The following NOMO2 variants were observed in gnomAD, a reference collection of about 807,000 sequenced individuals.
NOMO2 encodes BOS complex subunit NOMO2.
NOMO2 carries 14 observed loss-of-function variants against 67.1 expected under a neutral mutation model. The ratio of observed to expected loss-of-function variants is 0.21; its 90% CI spans 0.14 to 0.33. The LOEUF (loss-of-function observed/expected upper bound fraction) is 0.33, where lower values mean the gene tolerates loss of function less well. Among genes scored for constraint, NOMO2 ranks in the 10% least tolerant of loss-of-function variants. The pLI is 1.00. For missense variants in NOMO2, 178 were observed against 761.0 expected, an observed-to-expected ratio of 0.23 and a Z score of 9.01; for synonymous variants, 80 against 305.9, an observed-to-expected ratio of 0.26 and a Z score of 7.71.
chr16:18,541,378 T>G (rs1283936513), intron 9 of NOMO2, among the ~76,000 whole-genome samples: 1 of 95,884 alleles, frequency 1.0e-5, no homozygotes, highest in African/African-American at 2.7e-5. Context: ...AATGTCACCT[T>G]CACAGGGAGG....
At chr16:18,528,273 A>G (rs1435970782) in intron 15 of NOMO2, among the ~76,000 whole-genome samples, 1 of 151,808 alleles carries the variant, frequency 6.6e-6, no homozygotes, top group African/African-American at 2.4e-5. Flanking sequence ...AAAAAAAAAA[A>G]AAAAAAGGAT....
chr16:18,557,875 A>G lies in NOMO2; in HGVS notation c.166-84T>C. ...ATGTTACACCTGAATGCACTCAGTCAGTATACATTCACTGAGGACCTACTA... is the reference window on the plus strand; with the variant it reads ...ATGTTACACCTGAATGCACTCAGTCGGTATACATTCACTGAGGACCTACTA... On this transcript the variant is annotated intron_variant, in intron 1 of 30. Transcript: ENST00000622306. The G allele has an allele frequency of 1.9e-6, 3 of 1,592,186 alleles. No homozygotes were observed. The East Asian group carries it at 6.7e-5, about 36-fold the overall frequency.
At chr16:18,551,066 C>T (rs1478276902) in intron 4 of NOMO2, among the ~76,000 whole-genome samples, 5 of 150,918 alleles carry the variant, frequency 3.3e-5, no homozygotes, top group South Asian at 2.1e-4. Context: ...GGTGAAGGAG[C>T]GGGAGGGTGA....
Position 18,528,982 on chromosome 16 carries a change from A to T in NOMO2, c.1806+519T>A, listed in dbSNP as rs1421140403. ...GACTCCATCTCAAAAAAAAAAAAAA[A>T]AAAAAAATACATATATATATATATA... On this transcript the variant is annotated intron_variant, in intron 15 of 30. Transcript: ENST00000622306. Among the ~76,000 whole-genome samples the T allele has an allele frequency of 3.1e-4, 31 of 99,666 alleles. 1 individual carries two copies. Among genetic ancestry groups the T allele is most frequent in the Non-Finnish European group, 5.4e-4 (26 of 48,060 alleles). The allele number at this position is 99,666 out of a possible 152,430, so 65.4% of individuals were successfully genotyped here. A position where few individuals can be genotyped will look rare whatever the true frequency, so the allele number is the denominator to read the frequency against.
Position 18,533,184 on chromosome 16 carries a change from A to G in NOMO2, c.1221-5T>C. Reference sequence around the variant, plus strand: ...ATCCGACCACAGACACTGAACCTGCAAAGAGAAGACCATTCATTCCAGCAC... The same window carrying G: ...ATCCGACCACAGACACTGAACCTGCGAAGAGAAGACCATTCATTCCAGCAC... On this transcript the variant is annotated splice_region_variant and splice_polypyrimidine_tract_variant and intron_variant, in intron 11 of 30. Transcript: ENST00000622306. 6.2e-7 allele frequency: 1 copy of G among 1,611,360 alleles called. No individual in the cohort carries two copies. The highest frequency in any genetic ancestry group is 1.3e-5 in the African/African-American group (1 of 74,872).
chr16:18,558,441 T>TA (rs1275446675), intron 1 of NOMO2, among the ~76,000 whole-genome samples: 13 of 134,604 alleles, frequency 9.7e-5, no homozygotes, highest in African/African-American at 2.8e-4. Context: ...AAAATAATAA[T>TA]AAAAAAAAAT....
chr16:18,533,729 A>C (rs1024476805), intron 11 of NOMO2: 1 of 153,814 alleles, frequency 6.5e-6, no homozygotes, highest in African/African-American at 2.4e-5. Flanking sequence ...TAAAAAATGC[A>C]AAGCTAAAAT....
chr16:18,548,641 TATA>T (rs1901706473), intron 5 of NOMO2, among the ~76,000 whole-genome samples: 1 of 152,268 alleles, frequency 6.6e-6, no homozygotes, highest in South Asian at 2.1e-4. Context: ...GCAGTTTTGA[TATA>T]ATAATGATAA....
chr16:18,559,628 A>AT (rs1326912985), intron 1 of NOMO2, among the ~76,000 whole-genome samples: 1 of 151,962 alleles, frequency 6.6e-6, no homozygotes, highest in African/African-American at 2.4e-5. Flanking sequence ...TACTCAGTGA[A>AT]TTTGCTACAG....
intron 1 of NOMO2, among the ~76,000 whole-genome samples, 188 bp from the exon 2 acceptor site, chr16:18,557,979 G>A (rs1901950047): frequency 1.3e-5 from 2 of 151,978 alleles, no homozygotes; most frequent in African/African-American, 2.4e-5. Flanking sequence ...GTGACTCAAT[G>A]TTTTTCAGAT....
intron 1 of NOMO2, among the ~76,000 whole-genome samples, chr16:18,560,504 G>T (rs1408399657): frequency 5.9e-5 from 9 of 151,710 alleles, no homozygotes; most frequent in East Asian, 5.9e-4. Context: ...CCTGTCCCCA[G>T]TGCAGACCTA....
At position 18,556,451 on chromosome 16, in the gene NOMO2, A is replaced by T. The variant is rs577926197; in HGVS notation, c.255+1251T>A. Among the ~76,000 whole-genome samples, 742 of 151,466 alleles carry T rather than the reference A, an allele frequency of 4.9e-3. 7 individuals carry two copies. Among genetic ancestry groups the T allele is most frequent in the African/African-American group, 0.017 (702 of 41,292 alleles). On this transcript the variant is annotated intron_variant, in intron 2 of 30. Transcript: ENST00000622306. ...GAGTGAGACTCTGTCTCAAAAAAAA[A>T]AAAAAAAGTCAGTAGATCTATCTAT...
At chr16:18,557,571 G>T (rs1596863328) in intron 2 of NOMO2, 131 bp downstream of exon 2, 13 of 1,596,466 alleles carry the variant, frequency 8.1e-6, no homozygotes, top group Non-Finnish European at 1.1e-5. Context: ...ATGTGACTAG[G>T]ATTATCATAT....
At chr16:18,553,199 C>T (rs1440625868) in intron 3 of NOMO2, among the ~76,000 whole-genome samples, 9 of 151,506 alleles carry the variant, frequency 5.9e-5, no homozygotes, top group Non-Finnish European at 5.9e-5. Context: ...TGCTTGAACC[C>T]GGGCCGAAGT....
intron 11 of NOMO2, among the ~76,000 whole-genome samples, chr16:18,535,584 T>G (rs1901399827): frequency 6.6e-6 from 1 of 151,876 alleles, no homozygotes; most frequent in Non-Finnish European, 1.5e-5. Context: ...GTTCTCCATG[T>G]GACCTACCAA....
intron 11 of NOMO2, among the ~76,000 whole-genome samples, chr16:18,536,594 A>G (rs2561972): frequency 1.3e-4 from 20 of 151,342 alleles, no homozygotes; most frequent in African/African-American, 3.6e-4. Context: ...CAAGCGATCC[A>G]CCCGCCTCTG....
rs1233936456 is a variant in NOMO2 at position 18,540,414 on chromosome 16, T to C, written c.964-1450A>G. Among the ~76,000 whole-genome samples the C allele has an allele frequency of 3.3e-5, 5 of 152,030 alleles. No homozygotes were observed. The East Asian group carries it at 5.8e-4, about 18-fold the overall frequency. On this transcript the variant is annotated intron_variant, in intron 9 of 30. Coordinates refer to ENST00000622306, the MANE Select transcript of NOMO2 (RefSeq NM_173614.4). The stretch of plus-strand genomic sequence containing the variant: ...ACAGTAAAGAATAAGACACGGTACC[T>C]GACCTCAGGGAACTTACAGGGCCCC...
chr16:18,525,467 G>C (rs2141713418), intron 16 of NOMO2, among the ~76,000 whole-genome samples: 1 of 151,792 alleles, frequency 6.6e-6, no homozygotes, highest in South Asian at 2.1e-4. Context: ...CTGAGAGCAA[G>C]AGTGTAGGAG....
intron 1 of NOMO2, among the ~76,000 whole-genome samples, chr16:18,560,246 G>C (rs985626745): frequency 6.6e-6 from 1 of 151,852 alleles, no homozygotes; most frequent in Non-Finnish European, 1.5e-5. Flanking sequence ...ACGAAAGAAT[G>C]AGTGTCCCAC....
Sources: gnomAD v4.1 joint callset for allele counts (sites outside exome capture counted in the v4.1 genomes callset) on GRCh38, gnomAD v4.1.1 for gene constraint, MANE v1.5 for transcripts, NCBI Gene and HGNC (gene_info 2026-07-23, HGNC 2026-07-21) for gene names.